Variants in APLF observed in about 807,000 individuals in gnomAD.
APLF encodes the protein aprataxin and PNKP like factor.
APLF carries 61 observed loss-of-function variants against 55.6 expected under a neutral mutation model. The observed-to-expected ratio is 1.10, with a 90% CI of 0.89 to 1.36. The LOEUF is 1.36. Ranked by LOEUF, APLF falls within the 40% of genes most tolerant of loss-of-function variation. APLF has a pLI of 0.00. For missense variants in APLF, 611 were observed against 602.5 expected, an observed-to-expected ratio of 1.01 and a Z score of -0.15; for synonymous variants, 207 against 214.8, an observed-to-expected ratio of 0.96 and a Z score of 0.32.
chr2:68,508,176 A>G (rs979357420), intron 3 of APLF, among the ~76,000 whole-genome samples: 5 of 151,894 alleles, frequency 3.3e-5, no homozygotes, highest in Non-Finnish European at 7.4e-5. Flanking sequence ...TTAGAAAAAA[A>G]GAAAAGAGTT....
intron 8 of APLF, among the ~76,000 whole-genome samples, chr2:68,550,641 T>A (rs768371934): frequency 1.3e-5 from 2 of 152,156 alleles, no homozygotes; most frequent in African/African-American, 2.4e-5. Context: ...TTTGACTTAT[T>A]TTGGATTAAA....
intron 5 of APLF, among the ~76,000 whole-genome samples, chr2:68,516,981 A>G (rs1382238390): frequency 1.6e-5 from 2 of 125,374 alleles, no homozygotes; most frequent in East Asian, 4.3e-4. Context: ...ATATAATATA[A>G]TTATATATAA....
At chr2:68,468,165 A>C (rs1166897859) in intron 1 of APLF, among the ~76,000 whole-genome samples, 1 of 152,098 alleles carries the variant, frequency 6.6e-6, no homozygotes, top group African/African-American at 2.4e-5. Flanking sequence ...AAAATCTACT[A>C]ATTTTTCAGG....
chr2:68,554,699 GATTGCTGTTGGTGT>G (rs1670956399), intron 8 of APLF, among the ~76,000 whole-genome samples: 1 of 150,312 alleles, frequency 6.7e-6, no homozygotes, highest in Non-Finnish European at 1.5e-5. Flanking sequence ...TTCTCAGCTT[GATTGCTGTTGGTGT>G]ATAGAAGAGC....
Position 68,501,527 on chromosome 2 carries a change from A to G in APLF, c.169-1204A>G, listed in dbSNP as rs1676722901. Among the ~76,000 whole-genome samples, 4 of 152,096 alleles carry G rather than the reference A, an allele frequency of 2.6e-5. No homozygotes were observed. In the South Asian group the frequency reaches 8.3e-4, roughly 32 times the overall value. On this transcript the variant is annotated intron_variant, in intron 2 of 9. Coordinates refer to ENST00000303795, the MANE Select transcript of APLF (RefSeq NM_173545.3). The stretch of plus-strand genomic sequence containing the variant: ...CCAGTGATATTATGACAAAATGCCT[A>G]TTTGACTTATGGAAAGAGCCAATTT...
In APLF at chr2:68,514,833, C is replaced by T. The variant is rs1257935090; in HGVS notation, c.622+1153C>T. 2.0e-5 allele frequency among the ~76,000 whole-genome samples: 3 copies of T among 151,950 alleles called. 1 individual carries two copies. The highest frequency in any genetic ancestry group is 7.2e-5 in the African/African-American group (3 of 41,516). On this transcript the variant is annotated intron_variant, in intron 5 of 9. Transcript: ENST00000303795. ...GTTAATTTTCAACCTTGACACTTCT[C>T]CAACTCTGCCTCTTTGGTCAATCTC...
chr2:68,567,409 A>T, intron 9 of APLF, 22 bp downstream of exon 9: 1 of 1,561,540 alleles, frequency 6.4e-7, no homozygotes, highest in Non-Finnish European at 8.7e-7. Flanking sequence ...TACTTCAGAA[A>T]ATTCAAAATG....
Position 68,516,959 on chromosome 2 carries a change from TATA to T in APLF, c.622+3286_622+3288del, listed in dbSNP as rs968219254. The stretch of plus-strand genomic sequence containing the variant: ...ATAATATAATATATATAATATAATA[TATA>T]ATAATATAATATAATATAATTATAT... On this transcript the variant is annotated intron_variant, in intron 5 of 9. Coordinates refer to ENST00000303795, the MANE Select transcript of APLF (RefSeq NM_173545.3). Among the ~76,000 whole-genome samples the T allele has an allele frequency of 7.1e-4, 89 of 125,242 alleles. 1 individual carries two copies. The East Asian group carries it at 0.012, about 17-fold the overall frequency. 82.2% of individuals were successfully genotyped at this position (125,242 alleles called of 152,430 possible). A position where few individuals can be genotyped will look rare whatever the true frequency, so the allele number is the denominator to read the frequency against.
intron 7 of APLF, among the ~76,000 whole-genome samples, chr2:68,542,498 T>G (rs1017207367): frequency 6.7e-6 from 1 of 150,174 alleles, no homozygotes; most frequent in African/African-American, 2.5e-5. Context: ...AGAACTTAAA[T>G]AGATATTTCT....
At position 68,538,020 on chromosome 2, in the gene APLF, A is replaced by C; in HGVS notation, c.953A>C (p.Glu318Ala). 3.1e-6 allele frequency: 5 copies of C among 1,614,158 alleles called. No homozygotes were observed. The highest frequency in any genetic ancestry group is 4.2e-6 in the Non-Finnish European group (5 of 1,180,026). ...GCCACTAAAAGAACACCACATAAAGAAGATGAGGCAATGAGCTGTTCTGAA... is the reference window on the plus strand; with the variant it reads ...GCCACTAAAAGAACACCACATAAAGCAGATGAGGCAATGAGCTGTTCTGAA... The part of the protein sequence containing the change: ...KIATKRTPHK[E>A]DEAMSCSENC... The change falls in exon 7 of 10, where the codon GAA becomes GCA. Residue 318 changes from glutamate (E) to alanine (A), a missense_variant. Transcript: ENST00000303795.
intron 1 of APLF, 87 bp from the exon 2 acceptor site, chr2:68,490,103 C>A: frequency 1.2e-6 from 1 of 821,996 alleles, no homozygotes; most frequent in Non-Finnish European, 1.8e-6. Flanking sequence ...ATTTCAGAAA[C>A]ATCGCCAAGG....
At chr2:68,551,978 C>T (rs911583438) in intron 8 of APLF, among the ~76,000 whole-genome samples, 7 of 152,050 alleles carry the variant, frequency 4.6e-5, no homozygotes, top group African/African-American at 1.4e-4. Flanking sequence ...TATTAAAACT[C>T]AGTACACTTT....
intron 1 of APLF, among the ~76,000 whole-genome samples, chr2:68,479,910 G>A (rs1399090508): frequency 6.6e-6 from 1 of 151,948 alleles, no homozygotes; most frequent in East Asian, 1.9e-4. Context: ...TGAAGATGAA[G>A]ACCTATATGA....
intron 9 of APLF, chr2:68,568,227 A>G (rs1157858751): frequency 1.0e-5 from 10 of 976,806 alleles, no homozygotes; most frequent in Non-Finnish European, 9.7e-6. Context: ...TATCATTCAT[A>G]TAATACAGAG....
intron 7 of APLF, 130 bp downstream of exon 7, chr2:68,538,357 C>T (rs928177505): frequency 5.3e-6 from 4 of 751,474 alleles, no homozygotes; most frequent in Admixed American, 7.2e-5. Context: ...TATCGTGTTT[C>T]TACTATTTGT....
chr2:68,559,220 A>T (rs1019256408), intron 8 of APLF, among the ~76,000 whole-genome samples: 1 of 152,072 alleles, frequency 6.6e-6, no homozygotes, highest in African/African-American at 2.4e-5. Flanking sequence ...CTGTGGAGAG[A>T]TCTAGAGCAG....
chr2:68,578,492 G>T lies in APLF; in HGVS notation c.*470G>T, dbSNP rs761419773. On this transcript the variant is annotated 3_prime_UTR_variant, in exon 10 of 10. Transcript: ENST00000303795. ...AAAAATGCAGCCATTACATAATGGC[G>T]TTTTTTTTCTAGTACCTTAGATGTG... 5 of 986,220 alleles carry T rather than the reference G, an allele frequency of 5.1e-6. No individual in the cohort carries two copies. Among genetic ancestry groups the T allele is most frequent in the Non-Finnish European group, 4.8e-6 (4 of 830,870 alleles). The allele number at this position is 986,220 out of a possible 1,614,324, so 61.1% of individuals were successfully genotyped here. A position where few individuals can be genotyped will look rare whatever the true frequency, so the allele number is the denominator to read the frequency against.
At chr2:68,567,292 A>G (rs776554366) in intron 8 of APLF, 49 bp from the exon 9 acceptor site, 2 of 1,530,888 alleles carry the variant, frequency 1.3e-6, no homozygotes, top group Non-Finnish European at 1.8e-6. Flanking sequence ...ATAGTCATCA[A>G]CTTTTAGTAA....
At chr2:68,549,911 GT>G (rs1363240913) in intron 8 of APLF, among the ~76,000 whole-genome samples, 2 of 151,986 alleles carry the variant, frequency 1.3e-5, no homozygotes, top group African/African-American at 4.8e-5. Context: ...TCCAGTTTCT[GT>G]TTGCTTTTGG....
Sources: allele counts gnomAD v4.1 joint callset (sites outside exome capture counted in the v4.1 genomes callset), GRCh38; gene constraint gnomAD v4.1.1; transcripts MANE v1.5; gene names NCBI Gene and HGNC (gene_info 2026-07-23, HGNC 2026-07-21).